Variants in NBEA observed in about 807,000 individuals in gnomAD.
The protein encoded by NBEA is lysosomal-trafficking regulator 2.
NBEA carries 44 observed loss-of-function variants against 343.4 expected under a neutral mutation model. The ratio of observed to expected loss-of-function variants is 0.13; its 90% CI spans 0.10 to 0.16. The LOEUF (loss-of-function observed/expected upper bound fraction) is 0.16. Ranked by LOEUF, NBEA falls within the 10% of genes least tolerant of loss-of-function variation. The pLI is 1.00. For missense variants in NBEA, 2,555 were observed against 3,631.3 expected (o/e 0.70, Z 7.62); for synonymous variants, 1,175 against 1,238.7 (o/e 0.95, Z 1.08).
chr13:35,516,235 A>C (rs545408676), intron 41 of NBEA, among the ~76,000 whole-genome samples: 1 of 152,328 alleles, frequency 6.6e-6, no homozygotes, highest in East Asian at 1.9e-4. Flanking sequence ...TCCTATATTC[A>C]GGAAAGGTAA....
chr13:34,992,597 C>T (rs909289484), intron 1 of NBEA, among the ~76,000 whole-genome samples: 3 of 151,710 alleles, frequency 2.0e-5, no homozygotes, highest in East Asian at 1.9e-4. Context: ...GACTTGGTAA[C>T]GAGGTATTTG....
At chr13:35,638,119 G>A (rs2083780619) in intron 49 of NBEA, among the ~76,000 whole-genome samples, 1 of 152,098 alleles carries the variant, frequency 6.6e-6, no homozygotes, top group Admixed American at 6.6e-5. Context: ...AGAGGGAGTG[G>A]CGAGTTTTTG....
intron 30 of NBEA, chr13:35,186,522 G>C (rs1474141427): frequency 6.6e-6 from 1 of 152,124 alleles, no homozygotes; most frequent in Non-Finnish European, 1.5e-5. Flanking sequence ...ATGTAGAAGA[G>C]TTTTCATTCC....
chr13:35,451,547 C>T (rs967074877), intron 39 of NBEA, among the ~76,000 whole-genome samples: 1 of 152,158 alleles, frequency 6.6e-6, no homozygotes. Context: ...ATTTCTAACT[C>T]CGCCTTTCTG....
rs774124949 is a variant in NBEA at position 34,942,983 on chromosome 13, A to T, written c.163A>T (p.Met55Leu). 1 of 1,608,174 alleles carries T rather than the reference A, an allele frequency of 6.2e-7. No homozygotes were observed. The highest frequency in any genetic ancestry group is 8.5e-7 in the Non-Finnish European group (1 of 1,177,572). The stretch of plus-strand genomic sequence containing the variant: ...GGGGGCGTCCGGCTCCGGCTCGGTG[A>T]TGCTCCCCGCGGGGATGATTAACCC... ...LRGASGSGSV[M>L]LPAGMINPSV... The change falls in exon 1 of 59, where the codon ATG becomes TTG. Residue 55 changes from methionine to leucine, a missense_variant. By Grantham distance (15) the Met-to-Leu change is conservative (BLOSUM62 2). Transcript: ENST00000379939.
At chr13:35,414,290 G>C (rs1408338382) in intron 38 of NBEA, among the ~76,000 whole-genome samples, 2 of 151,974 alleles carry the variant, frequency 1.3e-5, no homozygotes, top group East Asian at 1.9e-4. Flanking sequence ...TGCAGGTTTG[G>C]TACATATGTA....
rs73502408 is a variant in NBEA at position 35,142,473 on chromosome 13, A to G, written c.2445+96A>G. 4,610 of 701,344 alleles carry G rather than the reference A, an allele frequency of 6.6e-3. 124 individuals carry two copies. Among genetic ancestry groups the G allele is most frequent in the African/African-American group, 0.05 (2,775 of 55,552 alleles). 43.4% of individuals were successfully genotyped at this position (701,344 alleles called of 1,614,324 possible). On this transcript the variant is annotated intron_variant, in intron 18 of 58. Coordinates refer to ENST00000379939, the MANE Select transcript of NBEA (RefSeq NM_001385012.1). Reference sequence around the variant, plus strand: ...AGATGAGTAGTTGGTCTGTTAATCTAAAAGCTAATTAAACCAGAAAATGGT... The same window carrying G: ...AGATGAGTAGTTGGTCTGTTAATCTGAAAGCTAATTAAACCAGAAAATGGT...
At chr13:35,161,087 G>A (rs963798818) in intron 22 of NBEA, among the ~76,000 whole-genome samples, 3 of 152,048 alleles carry the variant, frequency 2.0e-5, no homozygotes, top group Admixed American at 6.6e-5. Context: ...CATTTTTGTG[G>A]CAGTTGCATT....
intron 44 of NBEA, among the ~76,000 whole-genome samples, chr13:35,562,973 G>A (rs941411959): frequency 6.6e-6 from 1 of 151,810 alleles, no homozygotes; most frequent in Non-Finnish European, 1.5e-5. Context: ...TTTTTTTAAT[G>A]AAGAAACATA....
At chr13:35,416,332 T>G (rs2043907940) in intron 38 of NBEA, among the ~76,000 whole-genome samples, 2 of 152,196 alleles carry the variant, frequency 1.3e-5, no homozygotes, top group African/African-American at 4.8e-5. Flanking sequence ...AGGAAGTGCT[T>G]CCAGTTTTTG....
intron 38 of NBEA, among the ~76,000 whole-genome samples, chr13:35,396,030 G>C (rs2042729057): frequency 1.3e-5 from 2 of 151,892 alleles, no homozygotes; most frequent in African/African-American, 4.8e-5. Flanking sequence ...ATGTTTTTTA[G>C]TGCATTTTGT....
intron 33 of NBEA, among the ~76,000 whole-genome samples, chr13:35,221,362 T>TA (rs1328140191): frequency 1.3e-5 from 2 of 149,602 alleles, no homozygotes; most frequent in African/African-American, 2.5e-5. Flanking sequence ...AACAAAAAAC[T>TA]AAAAAAACTT....
At chr13:35,477,702 TGGC>T (rs1460733675) in intron 41 of NBEA, among the ~76,000 whole-genome samples, 7 of 152,220 alleles carry the variant, frequency 4.6e-5, no homozygotes, top group Non-Finnish European at 1.0e-4. Context: ...AGTGGTGACC[TGGC>T]AGTAGACTTC....
intron 39 of NBEA, among the ~76,000 whole-genome samples, chr13:35,451,166 C>T (rs1358679715): frequency 6.6e-6 from 1 of 152,122 alleles, no homozygotes; most frequent in Non-Finnish European, 1.5e-5. Flanking sequence ...CTCTGTCGCC[C>T]AGGCTGGAGT....
rs1191187328 is a variant in NBEA at position 35,241,684 on chromosome 13, C to A, written c.5776+9065C>A. ...AAGAAAAAATGAATGTACAAAAATA[C>A]ATGGACCAAATTAGTGTTGTTAGAA... On this transcript the variant is annotated intron_variant, in intron 34 of 58. Coordinates refer to ENST00000379939, the MANE Select transcript of NBEA (RefSeq NM_001385012.1). Among the ~76,000 whole-genome samples, 3 of 151,796 alleles carry A rather than the reference C, an allele frequency of 2.0e-5. No individual in the cohort carries two copies. The East Asian group carries it at 5.8e-4, about 29-fold the overall frequency.
At chr13:35,439,133 G>A (rs2045597812) in intron 39 of NBEA, among the ~76,000 whole-genome samples, 1 of 152,156 alleles carries the variant, frequency 6.6e-6, no homozygotes, top group Admixed American at 6.5e-5. Context: ...TGCACTGCTG[G>A]CATCTAATTG....
chr13:35,182,599 A>G, intron 29 of NBEA, 71 bp downstream of exon 29: 1 of 1,381,660 alleles, frequency 7.2e-7, no homozygotes, highest in Non-Finnish European at 9.9e-7. Flanking sequence ...TTACATCTAG[A>G]TTTAAACTGG....
At position 35,159,340 on chromosome 13, in the gene NBEA, G is replaced by T. The variant is rs1313460397; in HGVS notation, c.3169G>T (p.Val1057Leu). 6.2e-7 allele frequency: 1 copy of T among 1,613,488 alleles called. No homozygotes were observed. The highest frequency in any genetic ancestry group is 2.2e-5 in the East Asian group (1 of 44,822). Reference sequence around the variant, plus strand: ...ACATGTGGAAGTACATGATCTTTTAGTAGATATAAAAGCAGAGAAAGTGGA... The same window carrying T: ...ACATGTGGAAGTACATGATCTTTTATTAGATATAAAAGCAGAGAAAGTGGA... ...GVHVEVHDLL[V>L]DIKAEKVEAT... Residue 1057 changes from valine to leucine, a missense_variant, in exon 22 of 59, where the codon GTA (valine) becomes TTA (leucine). Val to Leu is a conservative substitution (Grantham distance 32, BLOSUM62 1). This residue lies in a region of NBEA where 367 missense variants were observed against 377.5 expected (regional missense o/e 0.97). Transcript: ENST00000379939.
intron 30 of NBEA, among the ~76,000 whole-genome samples, chr13:35,191,500 T>C (rs1195053167): frequency 6.6e-6 from 1 of 152,120 alleles, no homozygotes. Context: ...AAATCATATA[T>C]AAATAATCGC....
Sources: allele counts gnomAD v4.1 joint callset (sites outside exome capture counted in the v4.1 genomes callset), GRCh38; gene constraint gnomAD v4.1.1; regional missense constraint gnomAD v4.1.1; transcripts MANE v1.5; gene names NCBI Gene and HGNC (gene_info 2026-07-23, HGNC 2026-07-21).